Variants in PSME4 observed in about 807,000 individuals in gnomAD.
The protein encoded by PSME4 is proteasome activator complex subunit 4.
Under a neutral mutation model 253.9 loss-of-function variants are expected in PSME4, and 89 were observed. The ratio of observed to expected loss-of-function variants is 0.35; its 90% CI spans 0.30 to 0.42. The LOEUF is 0.42. PSME4 is among the 10% of genes least tolerant of loss of function. The probability of loss-of-function intolerance (pLI) is 1.00; values close to 1 mark genes in which losing one functional copy is unlikely to be tolerated. For synonymous variants in PSME4, 851 were observed against 759.2 expected, an observed-to-expected ratio of 1.12 and a Z score of -1.99; for missense variants, 2,014 against 2,195.2, an observed-to-expected ratio of 0.92 and a Z score of 1.65.
intron 14 of PSME4, among the ~76,000 whole-genome samples, chr2:53,924,624 CT>C (rs566648170): frequency 9.9e-5 from 15 of 151,642 alleles, no homozygotes; most frequent in Admixed American, 2.0e-4. Context: ...ACAGTTGTTT[CT>C]TTTTTTTATT....
intron 3 of PSME4, among the ~76,000 whole-genome samples, chr2:53,940,960 TATATATATATATATATATATATA>T (rs1669401749): frequency 1.5e-4 from 4 of 27,140 alleles, no homozygotes; most frequent in Middle Eastern, 0.015. Context: ...TACATATATA[TATATATATATATATATATATATA>T]TATATATATA....
At chr2:53,939,820 G>A (rs2104467134) in intron 4 of PSME4, 136 bp downstream of exon 4, 3 of 623,900 alleles carry the variant, frequency 4.8e-6, no homozygotes, top group Admixed American at 6.1e-5. Context: ...AACTGGAAAC[G>A]GTATGTTGTG....
chr2:53,917,123 A>G (rs1028451963), intron 20 of PSME4: 1 of 151,054 alleles, frequency 6.6e-6, no homozygotes, highest in Middle Eastern at 2.6e-3. Flanking sequence ...TATATTTAAT[A>G]TAGATTTTTA....
At chr2:53,929,801 T>G (rs1668738812) in intron 10 of PSME4, among the ~76,000 whole-genome samples, 1 of 152,064 alleles carries the variant, frequency 6.6e-6, no homozygotes, top group African/African-American at 2.4e-5. Context: ...GCGGACTGCT[T>G]GAGGTCAGGA....
At chr2:53,963,037 A>G (rs1670559833) in intron 1 of PSME4, among the ~76,000 whole-genome samples, 1 of 151,648 alleles carries the variant, frequency 6.6e-6, no homozygotes, top group African/African-American at 2.4e-5. Flanking sequence ...GACACATACC[A>G]TATGCAGTGG....
At chr2:53,886,805 T>C (rs1289233619) in intron 40 of PSME4, among the ~76,000 whole-genome samples, 3 of 152,050 alleles carry the variant, frequency 2.0e-5, no homozygotes, top group African/African-American at 7.2e-5. Context: ...AACCCAAATA[T>C]CCAGCAAACA....
At chr2:53,920,786 T>C (rs764679443) in intron 18 of PSME4, 103 bp downstream of exon 18, 8 of 973,428 alleles carry the variant, frequency 8.2e-6, no homozygotes, top group African/African-American at 1.7e-5. Context: ...ATAATCTATC[T>C]TAAAAGTAAA....
At chr2:53,960,775 T>A (rs1348338022) in intron 1 of PSME4, among the ~76,000 whole-genome samples, 1 of 151,782 alleles carries the variant, frequency 6.6e-6, no homozygotes, top group African/African-American at 2.4e-5. Context: ...TGCTTTTGAA[T>A]TTTTTTTTAT....
intron 7 of PSME4, among the ~76,000 whole-genome samples, chr2:53,935,700 A>C (rs995729747): frequency 6.6e-6 from 1 of 152,146 alleles, no homozygotes; most frequent in African/African-American, 2.4e-5. Context: ...CTGCACAAGA[A>C]AACACATTTA....
chr2:53,929,027 G>T (rs922919220), intron 10 of PSME4, among the ~76,000 whole-genome samples: 1 of 152,074 alleles, frequency 6.6e-6, no homozygotes, highest in South Asian at 2.1e-4. Context: ...TTGGCGGGGT[G>T]TGGTGGTGCA....
At chr2:53,929,521 C>A (rs1022556809) in intron 10 of PSME4, among the ~76,000 whole-genome samples, 1 of 151,942 alleles carries the variant, frequency 6.6e-6, no homozygotes, top group African/African-American at 2.4e-5. Context: ...TCTCAAATTC[C>A]TGAGCTCAAA....
chr2:53,877,193 T>C (rs1482913486), intron 41 of PSME4, among the ~76,000 whole-genome samples: 3 of 148,714 alleles, frequency 2.0e-5, no homozygotes, highest in Non-Finnish European at 3.0e-5. Context: ...GGGTGCTAAG[T>C]TGGAGGGATT....
intron 9 of PSME4, 102 bp downstream of exon 9, chr2:53,932,566 G>A: frequency 2.1e-6 from 2 of 960,108 alleles, no homozygotes; most frequent in Non-Finnish European, 3.4e-6. Context: ...CTAAAGCTAT[G>A]AAGGACAGAA....
At position 53,900,037 on chromosome 2, in the gene PSME4, C is replaced by A. The variant is rs1236589122; in HGVS notation, c.3286-20G>T. The A allele has an allele frequency of 8.1e-6, 13 of 1,600,624 alleles. No individual in the cohort carries two copies. Among genetic ancestry groups the A allele is most frequent in the Admixed American group, 7.0e-5 (4 of 57,228 alleles). ...TGGAATCTTGTTAAAAAGAAAAAAG[C>A]AGGAAAAAAAATGAAGTTCTGATGC... On this transcript the variant is annotated intron_variant, in intron 28 of 46. Transcript: ENST00000404125.
At chr2:53,905,795 TA>T (rs140889279) in intron 26 of PSME4, among the ~76,000 whole-genome samples, 4,927 of 152,194 alleles carry the variant, frequency 0.032, 106 homozygotes, top group Non-Finnish European at 0.046. Flanking sequence ...GCAGCCTGGG[TA>T]ACAGAGAGAG....
At chr2:53,932,368 T>G (rs1299114051) in intron 9 of PSME4, among the ~76,000 whole-genome samples, 1 of 152,140 alleles carries the variant, frequency 6.6e-6, no homozygotes, top group Non-Finnish European at 1.5e-5. Flanking sequence ...ACTGGACAAC[T>G]TAAAAACAAC....
intron 44 of PSME4, 96 bp downstream of exon 44, chr2:53,869,280 G>A: frequency 1.6e-6 from 2 of 1,228,072 alleles, no homozygotes; most frequent in Non-Finnish European, 2.2e-6. Flanking sequence ...ATAGACCTGG[G>A]CACATACATA....
chr2:53,882,221 C>T (rs980643444), intron 41 of PSME4, among the ~76,000 whole-genome samples: 1 of 152,054 alleles, frequency 6.6e-6, no homozygotes, highest in African/African-American at 2.4e-5. Flanking sequence ...GTGCAAAGTG[C>T]AAAAGATATG....
intron 3 of PSME4, among the ~76,000 whole-genome samples, chr2:53,946,225 G>A (rs1669692249): frequency 6.6e-6 from 1 of 152,214 alleles, no homozygotes. Context: ...AAAGTAGGAC[G>A]CTTGGTTATG....
Sources: allele counts gnomAD v4.1 joint callset (sites outside exome capture counted in the v4.1 genomes callset), GRCh38; gene constraint gnomAD v4.1.1; transcripts MANE v1.5; gene names NCBI Gene and HGNC (gene_info 2026-07-23, HGNC 2026-07-21).